Variants in RASA3 observed in about 807,000 individuals in gnomAD.
RASA3 encodes RAS p21 protein activator 3.
RASA3 carries 73 observed loss-of-function variants against 110.0 expected under a neutral mutation model. That is an observed-to-expected ratio of 0.66 (90% confidence interval 0.55 to 0.81). The LOEUF (loss-of-function observed/expected upper bound fraction) is 0.81, where lower values mean the gene tolerates loss of function less well. RASA3 is among the 30% of genes least tolerant of loss of function. The pLI is 0.00. For missense variants in RASA3, 976 were observed against 1,113.2 expected (o/e 0.88, Z 1.75); for synonymous variants, 500 against 451.4 (o/e 1.11, Z -1.37).
In RASA3 at chr13:114,009,380, T is replaced by C. The variant is rs371072519; in HGVS notation, c.1668+7A>G. On this transcript the variant is annotated splice_region_variant and intron_variant, in intron 17 of 23. Coordinates refer to ENST00000334062, the MANE Select transcript of RASA3 (RefSeq NM_007368.4). Reference sequence around the variant, plus strand: ...CACGGGCGGTCGGAGGGTGAGTCGATACTTACGTTCTTCACCGCATCAGCA... The same window carrying C: ...CACGGGCGGTCGGAGGGTGAGTCGACACTTACGTTCTTCACCGCATCAGCA... 7.1e-5 allele frequency: 115 copies of C among 1,608,800 alleles called. No homozygotes were observed. The highest frequency in any genetic ancestry group is 9.4e-5 in the Non-Finnish European group (111 of 1,176,332).
chr13:114,018,342 C>T, intron 10 of RASA3, 90 bp from the exon 11 acceptor site: 1 of 1,422,344 alleles, frequency 7.0e-7, no homozygotes, highest in Non-Finnish European at 9.4e-7. Flanking sequence ...CACTTCCAGC[C>T]ACAATAGATA....
intron 1 of RASA3, among the ~76,000 whole-genome samples, chr13:114,101,579 G>C (rs1006742179): frequency 2.0e-5 from 3 of 152,374 alleles, no homozygotes; most frequent in South Asian, 4.1e-4. Context: ...CCGGAGATCC[G>C]GGCTTTCCTT....
intron 4 of RASA3, among the ~76,000 whole-genome samples, chr13:114,032,779 A>C (rs1360976192): frequency 4.4e-5 from 1 of 22,758 alleles, no homozygotes; most frequent in African/African-American, 2.3e-4. Context: ...CGGCACCCCC[A>C]CACTGACACC....
chr13:113,982,129 G>A (rs1426844313), intron 22 of RASA3, among the ~76,000 whole-genome samples: 1 of 152,204 alleles, frequency 6.6e-6, no homozygotes, highest in Non-Finnish European at 1.5e-5. Context: ...GCTGCCCCTA[G>A]CTCCCAGCCT....
rs1234634913 is a variant in RASA3 at position 113,989,257 on chromosome 13, TGTCCATCCACCCATCACTCACCCATCC to T, written c.2245+3201_2245+3227del. Among the ~76,000 whole-genome samples, 705 of 138,194 alleles carry T rather than the reference TGTCCATCCACCCATCACTCACCCATCC, an allele frequency of 5.1e-3. 4 individuals are homozygous for T. The highest frequency in any genetic ancestry group is 0.018 in the African/African-American group (661 of 36,712). The allele number at this position is 138,194 out of a possible 152,430, so 90.7% of individuals were successfully genotyped here. On this transcript the variant is annotated intron_variant, in intron 22 of 23. Coordinates refer to ENST00000334062, the MANE Select transcript of RASA3 (RefSeq NM_007368.4). ...TCCATCCACCCATCTCTCACCCATCTGTCCATCCACCCATCACTCACCCATCCGTCCATCCACCCATTACTCACCCAT... is the reference window on the plus strand; with the variant it reads ...TCCATCCACCCATCTCTCACCCATCTGTCCATCCACCCATTACTCACCCAT...
chr13:114,015,666 C>A (rs2053774569), intron 13 of RASA3, among the ~76,000 whole-genome samples: 1 of 152,254 alleles, frequency 6.6e-6, no homozygotes, highest in African/African-American at 2.4e-5. Context: ...ACAGCACGCT[C>A]TGCAAGAAGT....
chr13:113,995,613 TGCTGATGGGGGGCCTGACAGGGGGCCCA>T (rs1393790364), intron 21 of RASA3, among the ~76,000 whole-genome samples: 7 of 100,266 alleles, frequency 7.0e-5, no homozygotes, highest in African/African-American at 2.8e-4. Context: ...TGGGGGGCCC[TGCTGATGGGGGGCCTGACAGGGGGCCCA>T]GCTGACGGGG....
chr13:113,989,726 A>T (rs1433724896), intron 22 of RASA3, among the ~76,000 whole-genome samples: 4 of 146,858 alleles, frequency 2.7e-5, no homozygotes, highest in South Asian at 2.2e-4. Context: ...CTCTCACCCA[A>T]CCGTCCATCC....
intron 3 of RASA3, among the ~76,000 whole-genome samples, chr13:114,043,662 A>AG (rs1555334416): frequency 6.6e-6 from 1 of 152,070 alleles, no homozygotes; most frequent in Non-Finnish European, 1.5e-5. Context: ...TCAAGAACCA[A>AG]GGGGGCCGGC....
chr13:113,991,473 G>C (rs1423884660), intron 22 of RASA3, among the ~76,000 whole-genome samples: 1 of 152,208 alleles, frequency 6.6e-6, no homozygotes, highest in African/African-American at 2.4e-5. Context: ...TGATCTCCAA[G>C]AGCAGATCCG....
At chr13:114,109,197 G>A (rs1269450505) in intron 1 of RASA3, among the ~76,000 whole-genome samples, 1 of 152,232 alleles carries the variant, frequency 6.6e-6, no homozygotes, top group East Asian at 1.9e-4. Context: ...GGACGTTCAG[G>A]TGGCTTCATT....
At position 114,056,489 on chromosome 13, in the gene RASA3, C is replaced by T. The variant is rs1012035390; in HGVS notation, c.174-4334G>A. On this transcript the variant is annotated intron_variant, in intron 2 of 23. Transcript: ENST00000334062. This position sits in a 1 kb window ranked among gnomAD's most constrained non-coding sequence, Gnocchi z 5.7. ...TTGGGCAGCAGGGCTGAGAGTGCGG[C>T]GTCCCTGGGCGCTGCCCGGTAGCGG... is the stretch of plus-strand genomic sequence containing the variant. 41 of 985,242 alleles carry T rather than the reference C, an allele frequency of 4.2e-5. No homozygotes were observed. Among genetic ancestry groups the T allele is most frequent in the African/African-American group, 1.7e-5 (1 of 57,212 alleles). The allele number at this position is 985,242 out of a possible 1,614,324, so 61.0% of individuals were successfully genotyped here.
Position 114,013,046 on chromosome 13 carries a change from C to A in RASA3, c.1512+96G>T, listed in dbSNP as rs903663856. 3.0e-5 allele frequency: 29 copies of A among 981,378 alleles called. No individual in the cohort carries two copies. In the African/African-American group the frequency reaches 4.5e-4, roughly 15 times the overall value. The allele number at this position is 981,378 out of a possible 1,614,324, so 60.8% of individuals were successfully genotyped here. ...CACACTCCCCACGCATTCCACACTC[C>A]ACACGGTCGGCCCCCTACAGCCACG... is the stretch of plus-strand genomic sequence containing the variant. On this transcript the variant is annotated intron_variant, in intron 15 of 23. Coordinates refer to ENST00000334062, the MANE Select transcript of RASA3 (RefSeq NM_007368.4).
rs774394672 is a variant in RASA3, at chr13:113,992,547, C to T, written c.2183G>A (p.Arg728His). 2.7e-5 allele frequency: 44 copies of T among 1,613,584 alleles called. No homozygotes were observed. The highest frequency in any genetic ancestry group is 3.2e-5 in the Non-Finnish European group (38 of 1,179,914). ...ANIQLDIDGD[R>H]ETERIYSLFN... ...GAGGGAGTAGATACGCTCCGTCTCA[C>T]GGTCCCCATCAATGTCCAGCTGGAT... The change falls in exon 22 of 24, where the codon CGT becomes CAT. Residue 728 changes from arginine to histidine, a missense_variant. Arg to His is a conservative substitution (Grantham distance 29, BLOSUM62 0). Coordinates refer to ENST00000334062, the MANE Select transcript of RASA3 (RefSeq NM_007368.4).
intron 2 of RASA3, among the ~76,000 whole-genome samples, chr13:114,055,162 G>A (rs1317834127): frequency 3.3e-5 from 5 of 152,096 alleles, no homozygotes; most frequent in African/African-American, 9.7e-5. Context: ...CCACAGGCAC[G>A]TGTGCATGGG....
At position 114,112,196 on chromosome 13, in the gene RASA3, C is replaced by T. The variant is rs372433329; in HGVS notation, c.55+20239G>A. 5.1e-4 allele frequency among the ~76,000 whole-genome samples: 78 copies of T among 152,170 alleles called. 3 individuals carry two copies. The South Asian group carries it at 0.016, about 31-fold the overall frequency. On this transcript the variant is annotated intron_variant, in intron 1 of 23. Transcript: ENST00000334062. This position sits in a 1 kb window ranked among gnomAD's most constrained non-coding sequence, Gnocchi z 4.8. Reference sequence around the variant, plus strand: ...AAGAGAAGGAGAACAAAACCCTCAGCCAGGCTATTGTGAATGGGTGTTACC... The same window carrying T: ...AAGAGAAGGAGAACAAAACCCTCAGTCAGGCTATTGTGAATGGGTGTTACC...
chr13:114,073,693 G>A lies in RASA3; in HGVS notation c.173+27C>T, dbSNP rs576317148. 9.7e-6 allele frequency: 15 copies of A among 1,548,358 alleles called. No individual in the cohort carries two copies. In the Admixed American group the frequency reaches 2.3e-4, roughly 24 times the overall value. On this transcript the variant is annotated intron_variant, in intron 2 of 23. Transcript: ENST00000334062. ...TCTACACCAAAGAAAACACATCAGTGCCAAGTAAAGCAACAGAAGACATTA... is the reference window on the plus strand; with the variant it reads ...TCTACACCAAAGAAAACACATCAGTACCAAGTAAAGCAACAGAAGACATTA...
At chr13:114,128,806 C>T (rs988377611) in intron 1 of RASA3, among the ~76,000 whole-genome samples, 8 of 152,240 alleles carry the variant, frequency 5.3e-5, no homozygotes, top group Non-Finnish European at 7.3e-5. Flanking sequence ...GAAGCCCCAG[C>T]GGGGAGCCCA....
intron 2 of RASA3, among the ~76,000 whole-genome samples, chr13:114,061,667 ACT>A (rs151099489): frequency 0.097 from 14,055 of 144,572 alleles, 908 homozygotes; most frequent in Middle Eastern, 0.15. Flanking sequence ...ACAAAGCAAG[ACT>A]CTGTCTCAAA....
Sources: gnomAD v4.1 joint callset for allele counts (sites outside exome capture counted in the v4.1 genomes callset) on GRCh38, gnomAD v4.1.1 for gene constraint, Gnocchi (gnomAD v3.1) non-coding constraint, MANE v1.5 for transcripts, NCBI Gene and HGNC (gene_info 2026-07-23, HGNC 2026-07-21) for gene names.